Variants in LRFN2 observed in about 807,000 individuals in gnomAD.
The protein encoded by LRFN2 is leucine rich repeat and fibronectin type III domain containing 2, also known as leucine-rich repeat and fibronectin type-III domain-containing protein 2.
In LRFN2, 18 loss-of-function variants were observed where a neutral mutation model predicts 37.3. The observed-to-expected ratio is 0.48, with a 90% CI of 0.33 to 0.72. The LOEUF is 0.72. Ranked by LOEUF, LRFN2 falls within the 30% of genes least tolerant of loss-of-function variation. The pLI is 0.02. For missense variants in LRFN2, 1,006 were observed against 1,060.7 expected, an observed-to-expected ratio of 0.95 and a Z score of 0.72; for synonymous variants, 556 against 466.6, an observed-to-expected ratio of 1.19 and a Z score of -2.47.
chr6:40,424,301 AC>A (rs1189027146), intron 2 of LRFN2, among the ~76,000 whole-genome samples: 1 of 152,016 alleles, frequency 6.6e-6, no homozygotes, highest in Admixed American at 6.6e-5. Context: ...CCAGAAGGCT[AC>A]TCCATACTTC....
At chr6:40,572,734 C>G (rs1393829241) in intron 1 of LRFN2, among the ~76,000 whole-genome samples, 3 of 152,304 alleles carry the variant, frequency 2.0e-5, no homozygotes, top group South Asian at 4.2e-4. Context: ...GAGAATGCAG[C>G]CTTTTCTATG....
intron 1 of LRFN2, among the ~76,000 whole-genome samples, chr6:40,550,841 G>A (rs1294380603): frequency 1.3e-5 from 2 of 152,228 alleles, no homozygotes; most frequent in African/African-American, 4.8e-5. Context: ...TGGACAGGGA[G>A]TTGTAGGCAG....
chr6:40,567,130 GA>G (rs1402873264), intron 1 of LRFN2, among the ~76,000 whole-genome samples: 2 of 152,132 alleles, frequency 1.3e-5, no homozygotes, highest in African/African-American at 4.8e-5. Flanking sequence ...AAGTCCCTGG[GA>G]TTGACAGGAT....
chr6:40,399,533 G>C (rs1249219633), intron 2 of LRFN2, among the ~76,000 whole-genome samples: 1 of 150,570 alleles, frequency 6.6e-6, no homozygotes, highest in Non-Finnish European at 1.5e-5. Context: ...CGCCTCAGGG[G>C]CTCAAGCGAT....
At chr6:40,526,922 G>C (rs1262515162) in intron 1 of LRFN2, among the ~76,000 whole-genome samples, 2 of 152,090 alleles carry the variant, frequency 1.3e-5, no homozygotes, top group Admixed American at 6.5e-5. Context: ...CATTCCTTTG[G>C]GCAGGACTGA....
At chr6:40,497,373 T>C (rs144594884) in intron 1 of LRFN2, among the ~76,000 whole-genome samples, 1 of 152,310 alleles carries the variant, frequency 6.6e-6, no homozygotes, top group Non-Finnish European at 1.5e-5. Flanking sequence ...ACCCAGGCTC[T>C]ACATCGTCTT....
At chr6:40,573,967 AAAAC>A (rs767312239) in intron 1 of LRFN2, among the ~76,000 whole-genome samples, 117 of 152,286 alleles carry the variant, frequency 7.7e-4, no homozygotes, top group African/African-American at 2.6e-3. Context: ...TGTCAAAAAC[AAAAC>A]AAACAAACAA....
chr6:40,409,451 T>C (rs758632318), intron 2 of LRFN2, among the ~76,000 whole-genome samples: 6 of 152,248 alleles, frequency 3.9e-5, no homozygotes, highest in African/African-American at 2.4e-5. Context: ...ATTTGTTCAG[T>C]ACAGAGTATG....
intron 1 of LRFN2, among the ~76,000 whole-genome samples, chr6:40,481,174 G>A (rs111366443): frequency 0.026 from 3,907 of 152,194 alleles, 66 homozygotes; most frequent in Non-Finnish European, 0.039. Context: ...AGTGTCTCAC[G>A]TCTATAATCC....
chr6:40,482,472 C>A (rs542876084), intron 1 of LRFN2, among the ~76,000 whole-genome samples: 186 of 152,312 alleles, frequency 1.2e-3, no homozygotes, highest in Middle Eastern at 3.4e-3. Context: ...TGACACACCC[C>A]CACCTGCCTG....
intron 1 of LRFN2, among the ~76,000 whole-genome samples, chr6:40,548,782 C>G (rs1303545724): frequency 6.6e-6 from 1 of 152,208 alleles, no homozygotes; most frequent in Non-Finnish European, 1.5e-5. Flanking sequence ...GCCCTATGAA[C>G]ATGCAGCCTA....
At chr6:40,407,725 A>G (rs1370664365) in intron 2 of LRFN2, 2 of 152,358 alleles carry the variant, frequency 1.3e-5, no homozygotes, top group Admixed American at 1.3e-4. Flanking sequence ...AACAGCCAGC[A>G]GACACCAAGT....
chr6:40,567,949 C>T (rs958145638), intron 1 of LRFN2, among the ~76,000 whole-genome samples: 2 of 152,192 alleles, frequency 1.3e-5, no homozygotes, highest in Non-Finnish European at 2.9e-5. Context: ...AAACAGCCTG[C>T]TCAAGAACTG....
chr6:40,493,093 C>A (rs1376024538), intron 1 of LRFN2, among the ~76,000 whole-genome samples: 2 of 152,056 alleles, frequency 1.3e-5, no homozygotes, highest in Admixed American at 1.3e-4. Context: ...AAGAGCCAAA[C>A]CCTGGTGACA....
chr6:40,499,072 C>T (rs1407571479), intron 1 of LRFN2, among the ~76,000 whole-genome samples: 1 of 152,194 alleles, frequency 6.6e-6, no homozygotes, highest in Non-Finnish European at 1.5e-5. Flanking sequence ...CCCCAGGTAG[C>T]AACTCACTTA....
chr6:40,501,369 G>T (rs1765377823), intron 1 of LRFN2, among the ~76,000 whole-genome samples: 2 of 151,924 alleles, frequency 1.3e-5, no homozygotes, highest in Non-Finnish European at 2.9e-5. Flanking sequence ...CACCCAGGCT[G>T]GAGTGCAGTG....
intron 1 of LRFN2, among the ~76,000 whole-genome samples, chr6:40,546,417 A>G (rs931233044): frequency 1.1e-4 from 17 of 152,166 alleles, no homozygotes; most frequent in African/African-American, 3.6e-4. Flanking sequence ...AGGTCTCCCC[A>G]TAGCTTCTTA....
At chr6:40,561,302 G>A (rs1033302604) in intron 1 of LRFN2, among the ~76,000 whole-genome samples, 2 of 152,326 alleles carry the variant, frequency 1.3e-5, no homozygotes, top group Non-Finnish European at 2.9e-5. Context: ...CCCTCACATG[G>A]AAGGTCAGGG....
intron 2 of LRFN2, among the ~76,000 whole-genome samples, chr6:40,396,107 T>C (rs1376594355): frequency 2.0e-5 from 3 of 152,116 alleles, no homozygotes; most frequent in Admixed American, 6.5e-5. Context: ...ACAGCTAACA[T>C]GAGGGCTTAC....
Sources: allele counts gnomAD v4.1 joint callset (sites outside exome capture counted in the v4.1 genomes callset), GRCh38; gene constraint gnomAD v4.1.1; transcripts MANE v1.5; gene names NCBI Gene and HGNC (gene_info 2026-07-23, HGNC 2026-07-21).